The following PLA2G4A variants were observed in gnomAD, a reference collection of about 807,000 sequenced individuals.
PLA2G4A encodes phospholipase A2 group IVA, also known as cytosolic phospholipase A2.
In PLA2G4A, 40 loss-of-function variants were observed where a neutral mutation model predicts 81.9. That is an observed-to-expected ratio of 0.49 (90% confidence interval 0.38 to 0.64). PLA2G4A has a LOEUF of 0.64. Among genes scored for constraint, PLA2G4A ranks in the 30% least tolerant of loss-of-function variants. The pLI is 0.00. For missense variants in PLA2G4A, 715 were observed against 905.1 expected, an observed-to-expected ratio of 0.79 and a Z score of 2.69; for synonymous variants, 302 against 296.9, an observed-to-expected ratio of 1.02 and a Z score of -0.18.
At chr1:186,932,723 T>G in intron 7 of PLA2G4A, 40 bp from the exon 8 acceptor site, 1 of 1,602,596 alleles carries the variant, frequency 6.2e-7, no homozygotes, top group Non-Finnish European at 8.6e-7. Context: ...ATTTTATGAT[T>G]TTTACTTTGT....
intron 2 of PLA2G4A, among the ~76,000 whole-genome samples, chr1:186,861,655 T>A (rs557374841): frequency 2.6e-5 from 4 of 152,116 alleles, no homozygotes. Context: ...CATCCTATTT[T>A]ATAGGAGTTC....
intron 5 of PLA2G4A, among the ~76,000 whole-genome samples, chr1:186,895,039 G>T (rs1437254355): frequency 6.6e-6 from 1 of 152,096 alleles, no homozygotes; most frequent in Admixed American, 6.6e-5. Context: ...TTAACTCTCA[G>T]CTTCTCCATG....
chr1:186,928,526 C>T (rs540430035), intron 7 of PLA2G4A, among the ~76,000 whole-genome samples: 124 of 152,208 alleles, frequency 8.1e-4, no homozygotes, highest in African/African-American at 2.9e-3. Context: ...GTATGAAGCT[C>T]GCCAGCCCAT....
chr1:186,869,945 A>T (rs1283063311), intron 2 of PLA2G4A, among the ~76,000 whole-genome samples: 1 of 152,336 alleles, frequency 6.6e-6, no homozygotes, highest in East Asian at 1.9e-4. Flanking sequence ...AATGCATTAC[A>T]ATTAGTGCAA....
intron 14 of PLA2G4A, among the ~76,000 whole-genome samples, chr1:186,961,820 A>T (rs1656957079): frequency 6.6e-6 from 1 of 152,232 alleles, no homozygotes; most frequent in Non-Finnish European, 1.5e-5. Flanking sequence ...CACTGCATGT[A>T]AAATTAGAGT....
At chr1:186,911,869 A>T (rs961073085) in intron 7 of PLA2G4A, among the ~76,000 whole-genome samples, 2 of 152,174 alleles carry the variant, frequency 1.3e-5, no homozygotes, top group Non-Finnish European at 2.9e-5. Context: ...GGTGCAATTT[A>T]GTCCAAGACA....
At chr1:186,872,451 C>T (rs1653312011) in intron 3 of PLA2G4A, among the ~76,000 whole-genome samples, 1 of 152,056 alleles carries the variant, frequency 6.6e-6, no homozygotes, top group Non-Finnish European at 1.5e-5. Context: ...ATGCAAAAGA[C>T]AGAGCTAATT....
intron 9 of PLA2G4A, among the ~76,000 whole-genome samples, chr1:186,939,736 A>ATT (rs1038490027): frequency 2.9e-4 from 44 of 152,292 alleles, no homozygotes; most frequent in Non-Finnish European, 3.4e-4. Context: ...ACAGTTGCTA[A>ATT]TTCATTCTCC....
chr1:186,890,381 C>T (rs542413780), intron 3 of PLA2G4A, among the ~76,000 whole-genome samples: 2 of 152,102 alleles, frequency 1.3e-5, no homozygotes, highest in African/African-American at 2.4e-5. Flanking sequence ...TTAAAGGATT[C>T]GGTGGAATCC....
intron 8 of PLA2G4A, among the ~76,000 whole-genome samples, chr1:186,938,777 G>A (rs1656042638): frequency 6.6e-6 from 1 of 152,088 alleles, no homozygotes; most frequent in Admixed American, 6.6e-5. Context: ...TTGGACTGTG[G>A]ATGAAAGTTC....
chr1:186,875,216 CTT>C (rs1248611749), intron 3 of PLA2G4A, among the ~76,000 whole-genome samples: 3 of 152,024 alleles, frequency 2.0e-5, no homozygotes, highest in Non-Finnish European at 2.9e-5. Flanking sequence ...AGAGCAAAGA[CTT>C]TAAAAATCCA....
Position 186,974,018 on chromosome 1 carries a change from C to A in PLA2G4A, c.1765-3575C>A, listed in dbSNP as rs544034635. Reference sequence around the variant, plus strand: ...ATAGAGACAAAAGAAATCTGACTTCCTCTAATGACAAGTCAATTTATTATT... The same window carrying A: ...ATAGAGACAAAAGAAATCTGACTTCATCTAATGACAAGTCAATTTATTATT... On this transcript the variant is annotated intron_variant, in intron 15 of 17. Coordinates refer to ENST00000367466, the MANE Select transcript of PLA2G4A (RefSeq NM_024420.3). 1.3e-4 allele frequency among the ~76,000 whole-genome samples: 20 copies of A among 151,894 alleles called. No homozygotes were observed. In the East Asian group the frequency reaches 3.9e-3, roughly 29 times the overall value.
intron 1 of PLA2G4A, among the ~76,000 whole-genome samples, chr1:186,844,462 T>C (rs768349647): frequency 1.2e-4 from 18 of 152,222 alleles, no homozygotes; most frequent in Non-Finnish European, 2.5e-4. Context: ...ATATCCAGTA[T>C]AGTGGAGAAA....
intron 15 of PLA2G4A, among the ~76,000 whole-genome samples, chr1:186,971,112 C>T (rs1657341697): frequency 6.6e-6 from 1 of 151,546 alleles, no homozygotes; most frequent in Non-Finnish European, 1.5e-5. Context: ...GAATACATTG[C>T]CTTTGTAATA....
At chr1:186,986,980 C>T (rs954331578) in intron 17 of PLA2G4A, among the ~76,000 whole-genome samples, 4 of 152,100 alleles carry the variant, frequency 2.6e-5, no homozygotes, top group Admixed American at 6.5e-5. Context: ...GCCCATTTCC[C>T]GAGAAGATAA....
intron 5 of PLA2G4A, among the ~76,000 whole-genome samples, chr1:186,903,848 C>CA (rs759860789): frequency 1.8e-4 from 27 of 152,136 alleles, no homozygotes; most frequent in Non-Finnish European, 3.1e-4. Flanking sequence ...ACTTGAATCA[C>CA]AAAACCATCC....
chr1:186,966,504 T>C (rs1657135847), intron 15 of PLA2G4A, among the ~76,000 whole-genome samples: 1 of 152,038 alleles, frequency 6.6e-6, no homozygotes, highest in South Asian at 2.1e-4. Flanking sequence ...GACTTCGAAG[T>C]TTTATAGGAA....
intron 13 of PLA2G4A, among the ~76,000 whole-genome samples, chr1:186,952,183 G>A (rs58808768): frequency 0.032 from 4,844 of 152,178 alleles, 281 homozygotes; most frequent in African/African-American, 0.11. Flanking sequence ...GGACTACTGA[G>A]GAGACAGAAT....
intron 8 of PLA2G4A, among the ~76,000 whole-genome samples, chr1:186,935,407 TA>T (rs1235631888): frequency 1.1e-4 from 5 of 43,882 alleles, no homozygotes; most frequent in African/African-American, 4.7e-4. Flanking sequence ...GAAGGGTTTT[TA>T]TTTTTTTTTT....
Sources: gnomAD v4.1 joint callset for allele counts (sites outside exome capture counted in the v4.1 genomes callset) on GRCh38, gnomAD v4.1.1 for gene constraint, MANE v1.5 for transcripts, NCBI Gene and HGNC (gene_info 2026-07-23, HGNC 2026-07-21) for gene names.